Variants in TRIM24 observed in about 807,000 individuals in gnomAD.
TRIM24 encodes transcription intermediary factor 1-alpha.
A neutral mutation model predicts 123.9 loss-of-function variants in TRIM24; 29 were observed. That is an observed-to-expected ratio of 0.23 (90% CI 0.17 to 0.32). TRIM24 has a LOEUF of 0.32. Among genes scored for constraint, TRIM24 ranks in the 10% least tolerant of loss-of-function variants. The pLI is 1.00. For missense variants in TRIM24, 932 were observed against 1,295.3 expected, an observed-to-expected ratio of 0.72 and a Z score of 4.31; for synonymous variants, 456 against 461.1, an observed-to-expected ratio of 0.99 and a Z score of 0.14.
At chr7:138,522,360 T>C (rs910856418) in intron 4 of TRIM24, among the ~76,000 whole-genome samples, 22 of 151,774 alleles carry the variant, frequency 1.4e-4, no homozygotes, top group Non-Finnish European at 3.2e-4. Flanking sequence ...ATAAATAAGA[T>C]TGAATACCAC....
intron 5 of TRIM24, among the ~76,000 whole-genome samples, chr7:138,528,777 A>ACC (rs1172667698): frequency 6.2e-5 from 1 of 16,114 alleles, no homozygotes; most frequent in Non-Finnish European, 1.2e-4. Flanking sequence ...TTTTTGGTCC[A>ACC]CCCCCACCCC....
At chr7:138,581,969 T>G (rs1298161195) in intron 17 of TRIM24, among the ~76,000 whole-genome samples, 198 bp downstream of exon 17, 1 of 152,200 alleles carries the variant, frequency 6.6e-6, no homozygotes, top group Non-Finnish European at 1.5e-5. Flanking sequence ...ATTTCTCAGG[T>G]ATTCTTTCTT....
At position 138,571,019 on chromosome 7, in the gene TRIM24, A is replaced by C. The variant is rs1030572683; in HGVS notation, c.1878+16A>C. ...TCTTCCGGATGTAAGTAGACACAAA[A>C]TTTATACTAGCCTCTGTTGAAAACT... On this transcript the variant is annotated intron_variant, in intron 11 of 18. Transcript: ENST00000343526. 8.7e-6 allele frequency: 14 copies of C among 1,613,160 alleles called. No individual in the cohort carries two copies. The highest frequency in any genetic ancestry group is 1.2e-5 in the Non-Finnish European group (14 of 1,179,360).
At chr7:138,514,563 C>G (rs1358187728) in intron 2 of TRIM24, 2 of 152,222 alleles carry the variant, frequency 1.3e-5, no homozygotes, top group African/African-American at 2.4e-5. Flanking sequence ...GCTGTTCTCT[C>G]TTCCTAGAAG....
chr7:138,576,724 AAC>A (rs1167775184), intron 13 of TRIM24, among the ~76,000 whole-genome samples: 21 of 152,230 alleles, frequency 1.4e-4, no homozygotes, highest in African/African-American at 4.1e-4. Context: ...GAATAGGCAT[AAC>A]ACAGTACACT....
chr7:138,567,368 G>T (rs1178437000), intron 9 of TRIM24, 113 bp from the exon 10 acceptor site: 150 of 801,428 alleles, frequency 1.9e-4, no homozygotes, highest in Middle Eastern at 5.4e-4. Flanking sequence ...CTTAATAATT[G>T]ATTGATCTGT....
chr7:138,537,379 G>GTTTTTTTTTTTTTTTTTTTTTTTTTTT (rs71177994), intron 6 of TRIM24, among the ~76,000 whole-genome samples: 1 of 56,642 alleles, frequency 1.8e-5, no homozygotes, highest in African/African-American at 7.1e-5. Flanking sequence ...ACCCCTGTTT[G>GTTTTTTTTTTTTTTTTTTTTTTTTTTT]TTTTTTTTTT....
At chr7:138,515,627 A>C (rs1796378310) in intron 3 of TRIM24, among the ~76,000 whole-genome samples, 2 of 152,138 alleles carry the variant, frequency 1.3e-5, no homozygotes, top group South Asian at 4.1e-4. Context: ...TGGAGAAAAA[A>C]ATTGCTTTTT....
At chr7:138,582,117 T>C (rs991163457) in intron 17 of TRIM24, among the ~76,000 whole-genome samples, 6 of 152,246 alleles carry the variant, frequency 3.9e-5, no homozygotes, top group South Asian at 2.1e-4. Context: ...CTCTCCCTGC[T>C]ACATTTTCCG....
chr7:138,511,829 A>G (rs750221729), intron 2 of TRIM24, among the ~76,000 whole-genome samples: 1 of 152,122 alleles, frequency 6.6e-6, no homozygotes, highest in Admixed American at 6.5e-5. Context: ...ATGCCTCCCA[A>G]CAGTCCCCCA....
chr7:138,541,979 G>A (rs753064668), intron 7 of TRIM24, among the ~76,000 whole-genome samples: 2 of 152,104 alleles, frequency 1.3e-5, no homozygotes, highest in Non-Finnish European at 2.9e-5. Flanking sequence ...ACCTCTCACA[G>A]CCTTCATTGA....
At chr7:138,485,085 C>T (rs972007279) in intron 1 of TRIM24, among the ~76,000 whole-genome samples, 1 of 151,940 alleles carries the variant, frequency 6.6e-6, no homozygotes, top group Non-Finnish European at 1.5e-5. Flanking sequence ...TCTCTTTCCT[C>T]AATATGGATT....
At chr7:138,576,349 A>C (rs370834245) in intron 12 of TRIM24, 24 bp from the exon 13 acceptor site, 2 of 1,604,872 alleles carry the variant, frequency 1.2e-6, no homozygotes, top group Non-Finnish European at 1.7e-6. Context: ...TCGTTTTATG[A>C]ATGTATGGTT....
intron 1 of TRIM24, among the ~76,000 whole-genome samples, chr7:138,496,800 C>T (rs972683280): frequency 3.3e-5 from 5 of 151,908 alleles, no homozygotes; most frequent in African/African-American, 9.7e-5. Context: ...TGTGCCCAGC[C>T]AAAATTTTTC....
At chr7:138,490,923 T>G in intron 1 of TRIM24, 2 of 380,438 alleles carry the variant, frequency 5.3e-6, no homozygotes, top group Non-Finnish European at 1.0e-5. Flanking sequence ...CTTCCGTATC[T>G]GATTGTTGGT....
intron 2 of TRIM24, among the ~76,000 whole-genome samples, chr7:138,508,716 T>TGC (rs764589133): frequency 1.4e-5 from 2 of 142,820 alleles, no homozygotes; most frequent in African/African-American, 2.7e-5. Context: ...TGCGTGTGTG[T>TGC]GTGCGTGTGT....
At chr7:138,576,581 T>C (rs1563066703) in intron 13 of TRIM24, 136 bp downstream of exon 13, 1 of 594,756 alleles carries the variant, frequency 1.7e-6, no homozygotes, top group Non-Finnish European at 2.8e-6. Flanking sequence ...TAATAACTAC[T>C]ATATATTTTA....
At chr7:138,496,122 A>G (rs1795901183) in intron 1 of TRIM24, among the ~76,000 whole-genome samples, 1 of 152,202 alleles carries the variant, frequency 6.6e-6, no homozygotes. Context: ...TTTGTTAGTT[A>G]CTACAAAATG....
intron 7 of TRIM24, among the ~76,000 whole-genome samples, chr7:138,550,628 G>C (rs998794865): frequency 1.1e-4 from 17 of 152,062 alleles, no homozygotes; most frequent in African/African-American, 4.1e-4. Context: ...CTGTAACAAG[G>C]AACAAGGAGA....
Sources: gnomAD v4.1 joint callset for allele counts (sites outside exome capture counted in the v4.1 genomes callset) on GRCh38, gnomAD v4.1.1 for gene constraint, MANE v1.5 for transcripts, NCBI Gene and HGNC (gene_info 2026-07-23, HGNC 2026-07-21) for gene names.